The following ADAM7 variants were observed in gnomAD, a reference collection of about 807,000 sequenced individuals.
ADAM7 encodes disintegrin and metalloproteinase domain-containing protein 7.
Under a neutral mutation model 102.9 loss-of-function variants are expected in ADAM7, and 97 were observed. The observed-to-expected ratio is 0.94, with a 90% CI of 0.80 to 1.12. The LOEUF (loss-of-function observed/expected upper bound fraction) is 1.12. Ranked by LOEUF, ADAM7 falls within the 50% of genes most tolerant of loss-of-function variation. The pLI is 0.00. For missense variants in ADAM7, 991 were observed against 908.7 expected (o/e 1.09, Z -1.16); for synonymous variants, 334 against 304.4 (o/e 1.10, Z -1.01).
chr8:24,455,160 AC>A (rs2129377372), intron 3 of ADAM7, among the ~76,000 whole-genome samples: 1 of 152,290 alleles, frequency 6.6e-6, no homozygotes, highest in Non-Finnish European at 1.5e-5. Flanking sequence ...AAATTTTAAC[AC>A]ACAGAGCAGA....
intron 2 of ADAM7, among the ~76,000 whole-genome samples, chr8:24,445,348 T>G (rs1818516741): frequency 6.6e-6 from 1 of 152,174 alleles, no homozygotes; most frequent in Non-Finnish European, 1.5e-5. Flanking sequence ...AAAACAACCT[T>G]AACTAATGCA....
chr8:24,508,291 C>G (rs1200808046), intron 21 of ADAM7, among the ~76,000 whole-genome samples: 3 of 152,150 alleles, frequency 2.0e-5, no homozygotes, highest in African/African-American at 7.2e-5. Flanking sequence ...AGTGAAGACA[C>G]TCCTTAGTGC....
intron 21 of ADAM7, among the ~76,000 whole-genome samples, chr8:24,507,754 A>G (rs546612210): frequency 1.3e-5 from 2 of 152,266 alleles, no homozygotes; most frequent in East Asian, 3.9e-4. Context: ...TAACCGGACC[A>G]AAGGAGCAAT....
intron 7 of ADAM7, among the ~76,000 whole-genome samples, chr8:24,469,975 A>T (rs939073489): frequency 6.6e-6 from 1 of 152,150 alleles, no homozygotes; most frequent in Non-Finnish European, 1.5e-5. Context: ...TCAGAATATA[A>T]AGCTTATAAA....
At position 24,487,256 on chromosome 8, in the gene ADAM7, C is replaced by A; in HGVS notation, c.1030C>A (p.Gln344Lys). ...AHQLGHNLGM[Q>K]HDEFPCTCPS... ...TCAACTGGGGCATAACCTTGGGATG[C>A]AGCATGACGAGTTCCCATGCACCTG... Residue 344 changes from glutamine to lysine, a missense_variant, in exon 11 of 22, where the codon CAG (glutamine) becomes AAG (lysine). By Grantham distance (53) the Gln-to-Lys change is moderately conservative. Coordinates refer to ENST00000175238, the MANE Select transcript of ADAM7 (RefSeq NM_003817.4). 1.9e-6 allele frequency: 3 copies of A among 1,613,870 alleles called. No homozygotes were observed. The highest frequency in any genetic ancestry group is 2.5e-6 in the Non-Finnish European group (3 of 1,179,844).
chr8:24,458,321 T>C (rs1425895408), intron 3 of ADAM7, among the ~76,000 whole-genome samples: 1 of 152,234 alleles, frequency 6.6e-6, no homozygotes, highest in Non-Finnish European at 1.5e-5. Context: ...TTATAACTCA[T>C]CTACTTTAAT....
chr8:24,493,684 G>T (rs572505023), intron 16 of ADAM7, among the ~76,000 whole-genome samples: 2 of 152,272 alleles, frequency 1.3e-5, no homozygotes, highest in African/African-American at 2.4e-5. Context: ...TTTCTTAGTG[G>T]TGTGACCAAT....
intron 3 of ADAM7, among the ~76,000 whole-genome samples, chr8:24,450,365 C>T (rs10090606): frequency 0.21 from 31,379 of 152,006 alleles, 3,803 homozygotes; most frequent in African/African-American, 0.34. Flanking sequence ...AGGTCCTTCA[C>T]GTCCCTTGTA....
At chr8:24,504,392 T>C (rs994596971) in intron 20 of ADAM7, among the ~76,000 whole-genome samples, 1 of 149,834 alleles carries the variant, frequency 6.7e-6, no homozygotes, top group African/African-American at 2.5e-5. Context: ...TCAACAACAA[T>C]CAAGACAAAA....
intron 3 of ADAM7, among the ~76,000 whole-genome samples, chr8:24,461,408 G>A (rs1209759973): frequency 2.0e-5 from 3 of 152,240 alleles, no homozygotes; most frequent in South Asian, 2.1e-4. Context: ...AGTATGTGTC[G>A]TGTTGTCTTT....
At chr8:24,482,554 C>A (rs1819993387) in intron 9 of ADAM7, among the ~76,000 whole-genome samples, 1 of 151,926 alleles carries the variant, frequency 6.6e-6, no homozygotes, top group Non-Finnish European at 1.5e-5. Flanking sequence ...TCAAGACCAG[C>A]CCCAGGCAAC....
intron 3 of ADAM7, among the ~76,000 whole-genome samples, chr8:24,449,984 G>T (rs1288943538): frequency 6.6e-6 from 1 of 152,066 alleles, no homozygotes; most frequent in Non-Finnish European, 1.5e-5. Flanking sequence ...ATTTCTGAGG[G>T]CTCTGTTTTG....
intron 16 of ADAM7, among the ~76,000 whole-genome samples, chr8:24,494,018 G>T (rs1350357224): frequency 6.6e-6 from 1 of 152,094 alleles, no homozygotes; most frequent in Non-Finnish European, 1.5e-5. Flanking sequence ...ACAATAGCTG[G>T]CTCATAAAGA....
rs1406270289 is a variant in ADAM7 at position 24,500,667 on chromosome 8, G to A, written c.2003-123G>A. 8.4e-6 allele frequency: 6 copies of A among 714,072 alleles called. No homozygotes were observed. The Admixed American group carries it at 1.8e-4, about 21-fold the overall frequency. The allele number at this position is 714,072 out of a possible 1,614,324, so 44.2% of individuals were successfully genotyped here. ...TACTTTACATAAAAATAATTGAGAG[G>A]AAAGGAGAATTGAAGTTCTATAGAA... On this transcript the variant is annotated intron_variant, in intron 18 of 21. Transcript: ENST00000175238.
chr8:24,458,796 C>T (rs1452458880), intron 3 of ADAM7, among the ~76,000 whole-genome samples: 2 of 152,038 alleles, frequency 1.3e-5, no homozygotes, highest in Non-Finnish European at 2.9e-5. Context: ...CATTGATATA[C>T]TTTATCAAAT....
chr8:24,493,589 T>C (rs1051748971), intron 16 of ADAM7, among the ~76,000 whole-genome samples: 2 of 152,198 alleles, frequency 1.3e-5, no homozygotes, highest in African/African-American at 4.8e-5. Context: ...CCATATACTA[T>C]GGTGCCACTG....
intron 3 of ADAM7, among the ~76,000 whole-genome samples, chr8:24,461,594 T>G (rs903656307): frequency 1.3e-5 from 2 of 152,194 alleles, no homozygotes; most frequent in Non-Finnish European, 2.9e-5. Context: ...TTTTCCATTT[T>G]TTTTTCTGAT....
At chr8:24,457,522 C>G (rs760713411) in intron 3 of ADAM7, among the ~76,000 whole-genome samples, 1 of 152,022 alleles carries the variant, frequency 6.6e-6, no homozygotes, top group African/African-American at 2.4e-5. Flanking sequence ...GCAATCCACC[C>G]GCCTTGGCCT....
intron 11 of ADAM7, 87 bp downstream of exon 11, chr8:24,487,404 T>G: frequency 6.8e-7 from 1 of 1,469,028 alleles, no homozygotes; most frequent in Non-Finnish European, 9.1e-7. Flanking sequence ...CCCAGCACTT[T>G]GGGAGGCCGA....
Sources: allele counts gnomAD v4.1 joint callset (sites outside exome capture counted in the v4.1 genomes callset), GRCh38; gene constraint gnomAD v4.1.1; transcripts MANE v1.5; gene names NCBI Gene and HGNC (gene_info 2026-07-23, HGNC 2026-07-21).